The following CARD10 variants were observed in gnomAD, a reference collection of about 807,000 sequenced individuals.
CARD10 encodes the protein caspase recruitment domain-containing protein 10.
In CARD10, 49 loss-of-function variants were observed where a neutral mutation model predicts 114.6. That is an observed-to-expected ratio of 0.43 (90% CI 0.34 to 0.54). The LOEUF (loss-of-function observed/expected upper bound fraction) is 0.54. CARD10 is among the 20% of genes least tolerant of loss of function. The probability of loss-of-function intolerance (pLI) is 0.03; values close to 1 mark genes in which losing one functional copy is unlikely to be tolerated. For synonymous variants in CARD10, 602 were observed against 593.2 expected (o/e 1.01, Z -0.21); for missense variants, 1,206 against 1,397.2 (o/e 0.86, Z 2.18).
intron 15 of CARD10, among the ~76,000 whole-genome samples, chr22:37,495,231 G>A (rs941652794): frequency 4.6e-5 from 7 of 152,236 alleles, no homozygotes; most frequent in African/African-American, 1.7e-4. Context: ...CTCCCAAAGT[G>A]CTGGGATTAC....
chr22:37,502,046 G>A (rs1461603132), intron 11 of CARD10, among the ~76,000 whole-genome samples: 2 of 152,108 alleles, frequency 1.3e-5, no homozygotes, highest in Non-Finnish European at 2.9e-5. Context: ...TGTGAACAGC[G>A]GCCACGCACC....
intron 11 of CARD10, among the ~76,000 whole-genome samples, chr22:37,502,138 C>T (rs1354889099): frequency 6.6e-6 from 1 of 152,236 alleles, no homozygotes; most frequent in African/African-American, 2.4e-5. Context: ...GTGGCTGGCC[C>T]GGTCACAGGG....
intron 6 of CARD10, 85 bp downstream of exon 6, chr22:37,507,744 T>G: frequency 2.0e-6 from 3 of 1,535,556 alleles, no homozygotes; most frequent in Non-Finnish European, 2.7e-6. Context: ...TTTCTACCAT[T>G]CTAGTCCCCT....
At chr22:37,509,708 C>G (rs976348265) in intron 4 of CARD10, among the ~76,000 whole-genome samples, 2 of 103,192 alleles carry the variant, frequency 1.9e-5, no homozygotes, top group African/African-American at 5.9e-5. Context: ...CCCTCAACCC[C>G]CATGGCCACG....
At chr22:37,499,179 C>T (rs897510389) in intron 11 of CARD10, among the ~76,000 whole-genome samples, 6 of 152,166 alleles carry the variant, frequency 3.9e-5, no homozygotes, top group Admixed American at 2.6e-4. Flanking sequence ...TCAGATGGTC[C>T]GAGAAGCACA....
At chr22:37,493,760 C>T (rs1021072954) in intron 16 of CARD10, among the ~76,000 whole-genome samples, 8 of 152,208 alleles carry the variant, frequency 5.3e-5, no homozygotes, top group Non-Finnish European at 1.2e-4. Context: ...CCCCTGGGTC[C>T]TCACAGCACC....
chr22:37,495,329 T>C (rs747069860), intron 15 of CARD10, among the ~76,000 whole-genome samples, 188 bp downstream of exon 15: 6 of 152,208 alleles, frequency 3.9e-5, no homozygotes, highest in Non-Finnish European at 7.3e-5. Context: ...CCTCATTTCA[T>C]CTCTAAACTA....
chr22:37,499,133 G>T (rs1404614369), intron 11 of CARD10, among the ~76,000 whole-genome samples: 2 of 152,050 alleles, frequency 1.3e-5, no homozygotes, highest in African/African-American at 2.4e-5. Context: ...TTTGTTCCAG[G>T]CATGTGTACC....
chr22:37,505,987 GC>G (rs1923391320), intron 7 of CARD10, among the ~76,000 whole-genome samples: 1 of 152,088 alleles, frequency 6.6e-6, no homozygotes, highest in Non-Finnish European at 1.5e-5. Flanking sequence ...AGACCAACAT[GC>G]CCCTCCGCCT....
chr22:37,491,350 G>T lies in CARD10; in HGVS notation c.2908C>A (p.Arg970=). Residue 970 remains arginine, a synonymous_variant, in exon 20 of 20, where the codon CGG becomes AGG. Transcript: ENST00000251973. ...RPGWRDSELL[R]QCRGSEQVLW... ...ACCTGCTCTGAGCCACGGCACTGCC[G>T]CAGCAGCTCTGAGTCCCGCCAGCCC... The T allele has an allele frequency of 6.5e-7, 1 of 1,535,240 alleles. No homozygotes were observed. The highest frequency in any genetic ancestry group is 8.7e-7 in the Non-Finnish European group (1 of 1,143,386).
intron 8 of CARD10, 34 bp downstream of exon 8, chr22:37,504,601 T>A: frequency 6.9e-7 from 1 of 1,446,834 alleles, no homozygotes; most frequent in Non-Finnish European, 9.1e-7. Context: ...TATAGCAGTG[T>A]CCCCCCTTAT....
Position 37,504,203 on chromosome 22 carries a change from G to A in CARD10, c.1617C>T (p.Asp539=). The change falls in exon 9 of 20, where the codon GAC becomes GAT. Residue 539 remains aspartate, a synonymous_variant. Coordinates refer to ENST00000251973, the MANE Select transcript of CARD10 (RefSeq NM_014550.4). ...CATCTCACCTCTTAGGGGGTGCGGG[G>A]TCTTCCTCACGCTGCCGGCGGAGGA... is the stretch of plus-strand genomic sequence containing the variant. ...GSILRRQREE[D]PAPPKRSFSS... 3 of 1,565,152 alleles carry A rather than the reference G, an allele frequency of 1.9e-6. No individual in the cohort carries two copies. The highest frequency in any genetic ancestry group is 2.6e-6 in the Non-Finnish European group (3 of 1,153,702).
In CARD10 at chr22:37,508,494, CGCACAAGGGGCAGG is replaced by C. The variant is rs753785866; in HGVS notation, c.1065+19_1065+32del. ...ACACAGGCCCTGCCTGACACCCTCC[CGCACAAGGGGCAGG>C]GCACGGGCAGGGCCCCACCTGGTCG... On this transcript the variant is annotated intron_variant, in intron 5 of 19. Coordinates refer to ENST00000251973, the MANE Select transcript of CARD10 (RefSeq NM_014550.4). The C allele has an allele frequency of 6.4e-7, 1 of 1,557,348 alleles. No individual in the cohort carries two copies. Among genetic ancestry groups the C allele is most frequent in the Admixed American group, 1.8e-5 (1 of 56,310 alleles).
At position 37,516,170 on chromosome 22, in the gene CARD10, G is replaced by T; in HGVS notation, c.502C>A (p.Arg168=). 6.3e-7 allele frequency: 1 copy of T among 1,592,720 alleles called. No homozygotes were observed. Among genetic ancestry groups the T allele is most frequent in the South Asian group, 1.1e-5 (1 of 88,586 alleles). ...QARGRVLEEE[R]AGLEQRLRDQ... ...CGCAGCCGCTGCTCCAGCCCTGCCCGCTCCTCCTCGAGCACCCGGCCCCGG... is the reference window on the plus strand; with the variant it reads ...CGCAGCCGCTGCTCCAGCCCTGCCCTCTCCTCCTCGAGCACCCGGCCCCGG... The change falls in exon 3 of 20, where the codon CGG becomes AGG. Residue 168 remains arginine, a synonymous_variant. Transcript: ENST00000251973.
At chr22:37,509,058 T>A in intron 4 of CARD10, 22 of 1,549,230 alleles carry the variant, frequency 1.4e-5, no homozygotes, top group Non-Finnish European at 1.9e-5. Context: ...CCCACCCCCA[T>A]GACTAGGGGT....
intron 11 of CARD10, 75 bp from the exon 12 acceptor site, chr22:37,497,253 A>G: frequency 6.8e-7 from 1 of 1,472,044 alleles, no homozygotes; most frequent in Non-Finnish European, 9.2e-7. Flanking sequence ...TTGGAAAACC[A>G]CAGTGATTTC....
At chr22:37,491,543 G>C (rs1406573118) in intron 19 of CARD10, 150 bp from the exon 20 acceptor site, 1 of 36,892 alleles carries the variant, frequency 2.7e-5, no homozygotes, top group African/African-American at 3.0e-4. Flanking sequence ...GAGAGAGAGA[G>C]ACAGAGAAGG....
chr22:37,505,012 T>C (rs1923356814), intron 7 of CARD10, among the ~76,000 whole-genome samples: 1 of 152,202 alleles, frequency 6.6e-6, no homozygotes, highest in Non-Finnish European at 1.5e-5. Context: ...CCACCCAGCC[T>C]GGGAGTCCAA....
intron 15 of CARD10, 69 bp from the exon 16 acceptor site, chr22:37,494,257 G>T (rs1922912071): frequency 6.4e-6 from 7 of 1,097,868 alleles, no homozygotes; most frequent in South Asian, 1.4e-5. Context: ...AGGAGGAAAC[G>T]GGACCCCTGG....
Sources: allele counts gnomAD v4.1 joint callset (sites outside exome capture counted in the v4.1 genomes callset), GRCh38; gene constraint gnomAD v4.1.1; transcripts MANE v1.5; gene names NCBI Gene and HGNC (gene_info 2026-07-23, HGNC 2026-07-21).